Variants in TACC2 observed in about 807,000 individuals in gnomAD.
The protein encoded by TACC2 is transforming acidic coiled-coil containing protein 2.
TACC2 carries 137 observed loss-of-function variants against 227.3 expected under a neutral mutation model. The observed-to-expected ratio is 0.60, with a 90% confidence interval of 0.52 to 0.69. TACC2 has a LOEUF of 0.69. TACC2 is among the 30% of genes least tolerant of loss of function. The probability of loss-of-function intolerance (pLI) is 0.00; values close to 1 mark genes in which losing one functional copy is unlikely to be tolerated. For synonymous variants in TACC2, 1,523 were observed against 1,487.5 expected, an observed-to-expected ratio of 1.02 and a Z score of -0.55; for missense variants, 3,470 against 3,694.4, an observed-to-expected ratio of 0.94 and a Z score of 1.57.
Position 122,085,319 on chromosome 10 carries a change from A to T in TACC2, c.2819A>T (p.Lys940Met). 2 of 1,614,032 alleles carry T rather than the reference A, an allele frequency of 1.2e-6. No homozygotes were observed. Among genetic ancestry groups the T allele is most frequent in the Non-Finnish European group, 1.7e-6 (2 of 1,180,032 alleles). The stretch of plus-strand genomic sequence containing the variant: ...GAATTGTCAGCACCAACGAGACAGA[A>T]GTTGCCTGCACTAGGGGAGAAGCGG... ...ESELSAPTRQ[K>M]LPALGEKRPE... is the part of the protein sequence containing the mutation. The change falls in exon 4 of 23, where the codon AAG (lysine) becomes ATG (methionine). Residue 940 changes from lysine to methionine, a missense_variant. Transcript: ENST00000369005.
At chr10:122,213,467 C>A in intron 9 of TACC2, 1 of 1,318,216 alleles carries the variant, frequency 7.6e-7, no homozygotes, top group Non-Finnish European at 1.1e-6. Context: ...TTTATTTCCC[C>A]TCTGGCTGCT....
chr10:122,195,775 C>T (rs757975166), intron 8 of TACC2, among the ~76,000 whole-genome samples: 3 of 152,158 alleles, frequency 2.0e-5, no homozygotes, highest in Admixed American at 6.5e-5. Context: ...ATGCATTCTG[C>T]GCCTCCCAGT....
At chr10:122,130,716 C>A (rs2087893482) in intron 5 of TACC2, among the ~76,000 whole-genome samples, 1 of 152,194 alleles carries the variant, frequency 6.6e-6, no homozygotes, top group South Asian at 2.1e-4. Context: ...AGCTGCTCAG[C>A]CTCTCTGTGC....
rs1181098257 is a variant in TACC2, at chr10:122,180,040, G to A, written c.5835-15000G>A. 6.6e-6 allele frequency among the ~76,000 whole-genome samples: 1 copy of A among 151,986 alleles called. No homozygotes were observed. Among genetic ancestry groups the A allele is most frequent in the Non-Finnish European group, 1.5e-5 (1 of 67,992 alleles). On this transcript the variant is annotated intron_variant, in intron 7 of 22. Coordinates refer to ENST00000369005, the MANE Select transcript of TACC2 (RefSeq NM_206862.4). The surrounding 1 kb of genome is among the most constrained non-coding windows in gnomAD (Gnocchi z 4.5). ...GTCGAGGCTGCAGTGAGCCATGATT[G>A]CGCCACTGCACTCCAGCCTGGGCAA...
intron 16 of TACC2, 118 bp downstream of exon 16, chr10:122,230,558 C>A: frequency 2.2e-6 from 2 of 892,140 alleles, no homozygotes; most frequent in South Asian, 1.4e-5. Flanking sequence ...AGCAAAGAGT[C>A]GTTTCCAAAA....
At chr10:122,249,834 G>A (rs2141934609) in intron 22 of TACC2, among the ~76,000 whole-genome samples, 170 bp downstream of exon 22, 1 of 152,358 alleles carries the variant, frequency 6.6e-6, no homozygotes, top group Non-Finnish European at 1.5e-5. Context: ...TTTCATGCCA[G>A]CCCTAAGACC....
rs371996281 is a variant in TACC2, at chr10:122,085,065, G to T, written c.2565G>T (p.Gly855=). The change falls in exon 4 of 23, where the codon GGG becomes GGT. Residue 855 remains glycine (G), a synonymous_variant. Coordinates refer to ENST00000369005, the MANE Select transcript of TACC2 (RefSeq NM_206862.4). ...LKEQAQPPEN[G]KETSPSHPGF... ...AGCAGGCCCAGCCACCTGAAAATGG[G>T]AAAGAGACTTCTCCAAGCCATCCAG... 1.2e-6 allele frequency: 2 copies of T among 1,614,064 alleles called. No homozygotes were observed. The highest frequency in any genetic ancestry group is 1.3e-5 in the African/African-American group (1 of 74,922).
intron 1 of TACC2, among the ~76,000 whole-genome samples, chr10:121,994,250 T>C (rs1372620759): frequency 2.6e-5 from 4 of 152,236 alleles, no homozygotes; most frequent in African/African-American, 9.6e-5. Context: ...CCTGTCCCTA[T>C]TTACTAGAAG....
intron 6 of TACC2, among the ~76,000 whole-genome samples, chr10:122,134,678 G>A (rs762136757): frequency 2.0e-5 from 3 of 152,148 alleles, no homozygotes; most frequent in Non-Finnish European, 4.4e-5. Flanking sequence ...GAAGACCCAG[G>A]GGCCTCTGGC....
intron 9 of TACC2, among the ~76,000 whole-genome samples, chr10:122,212,963 C>T (rs972023756): frequency 2.0e-5 from 3 of 152,232 alleles, no homozygotes; most frequent in Non-Finnish European, 4.4e-5. Flanking sequence ...GAGAGCCAAC[C>T]TTAGCCGCCA....
chr10:122,101,723 C>CT (rs1179126977), intron 5 of TACC2, among the ~76,000 whole-genome samples: 16,804 of 55,756 alleles, frequency 0.3, 3,459 homozygotes, highest in Non-Finnish European at 0.36. Flanking sequence ...CCATGCCCAG[C>CT]TTTTTTTTTT....
At chr10:122,146,261 T>C (rs773234218) in intron 7 of TACC2, among the ~76,000 whole-genome samples, 2 of 152,096 alleles carry the variant, frequency 1.3e-5, no homozygotes, top group Non-Finnish European at 2.9e-5. Context: ...AAACAGCATG[T>C]GCATGGACCC....
intron 17 of TACC2, 79 bp downstream of exon 17, chr10:122,237,617 T>G: frequency 1.3e-6 from 2 of 1,522,314 alleles, no homozygotes; most frequent in African/African-American, 2.7e-5. Flanking sequence ...AGCCAGAGTC[T>G]TTGGAGACAG....
chr10:122,123,603 A>G (rs555509389), intron 5 of TACC2, among the ~76,000 whole-genome samples: 25 of 152,226 alleles, frequency 1.6e-4, no homozygotes, highest in African/African-American at 4.8e-4. Context: ...CAGTTCGGTC[A>G]TGCCCAGCCT....
In TACC2 at chr10:122,194,738, A is replaced by G. The variant is rs2094510701; in HGVS notation, c.5835-302A>G. Among the ~76,000 whole-genome samples, 1 of 152,132 alleles carries G rather than the reference A, an allele frequency of 6.6e-6. No individual in the cohort carries two copies. The highest frequency in any genetic ancestry group is 2.4e-5 in the African/African-American group (1 of 41,412). ...CTCTCTATTTGAATCAATACCTAAT[A>G]ATGAACGCGTGCGGAAGTTCATCCA... is the stretch of plus-strand genomic sequence containing the variant. On this transcript the variant is annotated intron_variant, in intron 7 of 22. Transcript: ENST00000369005. This position sits in a 1 kb window ranked among gnomAD's most constrained non-coding sequence, Gnocchi z 4.4.
intron 3 of TACC2, among the ~76,000 whole-genome samples, chr10:122,080,435 TG>T (rs1403667239): frequency 6.6e-6 from 1 of 152,052 alleles, no homozygotes; most frequent in East Asian, 1.9e-4. Context: ...AGTTTCGCCA[TG>T]TTGCCCAGGC....
intron 7 of TACC2, among the ~76,000 whole-genome samples, chr10:122,151,523 G>A (rs577633905): frequency 1.3e-5 from 2 of 152,250 alleles, no homozygotes; most frequent in South Asian, 2.1e-4. Context: ...AGCCAAGGTG[G>A]CCATGGTCCT....
At chr10:122,190,508 C>A (rs991564037) in intron 7 of TACC2, among the ~76,000 whole-genome samples, 1 of 152,160 alleles carries the variant, frequency 6.6e-6, no homozygotes, top group African/African-American at 2.4e-5. Context: ...CAGTCTGTCC[C>A]CACCTGGGGT....
intron 18 of TACC2, among the ~76,000 whole-genome samples, chr10:122,241,244 A>G (rs2095985972): frequency 1.3e-5 from 2 of 152,180 alleles, no homozygotes; most frequent in South Asian, 4.1e-4. Context: ...GGTTGGGCCC[A>G]GGTTGCAAAG....
Sources: allele counts gnomAD v4.1 joint callset (sites outside exome capture counted in the v4.1 genomes callset), GRCh38; gene constraint gnomAD v4.1.1; non-coding constraint Gnocchi (gnomAD v3.1); transcripts MANE v1.5; gene names NCBI Gene and HGNC (gene_info 2026-07-23, HGNC 2026-07-21).